KIF25: variants seen among roughly 807,000 people sequenced by gnomAD.
KIF25 encodes kinesin-like protein KIF25.
KIF25 carries 19 observed loss-of-function variants against 32.9 expected under a neutral mutation model. The ratio of observed to expected loss-of-function variants is 0.58; its 90% CI spans 0.40 to 0.85. The LOEUF is 0.85. KIF25 is among the 40% of genes least tolerant of loss of function. The pLI, the probability that KIF25 is intolerant of heterozygous loss-of-function variation, is 0.00. For missense variants in KIF25, 485 were observed against 507.0 expected (o/e 0.96, Z 0.42); for synonymous variants, 225 against 213.7 (o/e 1.05, Z -0.46).
Position 168,002,592 on chromosome 6 carries a change from G to A in KIF25, c.-320G>A, listed in dbSNP as rs985707146. 7.2e-5 allele frequency: 11 copies of A among 152,202 alleles called. No homozygotes were observed. Among genetic ancestry groups the A allele is most frequent in the African/African-American group, 2.7e-4 (11 of 41,436 alleles). 9.4% of individuals were successfully genotyped at this position (152,202 alleles called of 1,614,324 possible). A position where few individuals can be genotyped will look rare whatever the true frequency, so the allele number is the denominator to read the frequency against. ...GATTTCCTGAAGGGGAGAACCTGAT[G>A]AGCTTGTCTTCTAGATCAGTGGTCC... On this transcript the variant is annotated 5_prime_UTR_variant, in exon 3 of 13. An upstream start codon of the reference 5' UTR is lost. Transcript: ENST00000643607.
chr6:168,045,053 A>G lies in KIF25; in HGVS notation c.*57A>G, dbSNP rs544155898. 6 of 1,487,870 alleles carry G rather than the reference A, an allele frequency of 4.0e-6. No individual in the cohort carries two copies. The Admixed American group carries it at 6.4e-5, about 16-fold the overall frequency. The allele number at this position is 1,487,870 out of a possible 1,614,324, so 92.2% of individuals were successfully genotyped here. On this transcript the variant is annotated 3_prime_UTR_variant, in exon 13 of 13. Coordinates refer to ENST00000643607, the MANE Select transcript of KIF25 (RefSeq NM_030615.4). ...GTTTCTTGTCCTTGCTTTATAATGC[A>G]TATGTGCTTAGAAATAAACAGGTTT...
chr6:168,042,774 C>A, intron 12 of KIF25, 58 bp downstream of exon 12: 1 of 1,555,532 alleles, frequency 6.4e-7, no homozygotes, highest in African/African-American at 1.3e-5. Flanking sequence ...AGGACATGTG[C>A]ACACACTTCT....
At chr6:168,039,036 A>T (rs983239023) in intron 9 of KIF25, among the ~76,000 whole-genome samples, 3 of 137,892 alleles carry the variant, frequency 2.2e-5, no homozygotes, top group Non-Finnish European at 4.5e-5. Context: ...ATGTATTCGC[A>T]TATCAAAATA....
At chr6:168,010,050 A>G (rs1040033488) in intron 4 of KIF25, among the ~76,000 whole-genome samples, 1 of 151,354 alleles carries the variant, frequency 6.6e-6, no homozygotes, top group African/African-American at 2.4e-5. Flanking sequence ...TTCTTGTGTC[A>G]ATTTCTTTTA....
chr6:168,014,149 G>C (rs1798684504), intron 4 of KIF25, among the ~76,000 whole-genome samples: 1 of 152,140 alleles, frequency 6.6e-6, no homozygotes, highest in Non-Finnish European at 1.5e-5. Flanking sequence ...TGTTATAAGT[G>C]AACACACAGA....
At chr6:168,043,922 C>T (rs549945249) in intron 12 of KIF25, among the ~76,000 whole-genome samples, 14 of 152,346 alleles carry the variant, frequency 9.2e-5, no homozygotes, top group East Asian at 5.8e-4. Flanking sequence ...CCTGGGCACA[C>T]GGCCCCTGCC....
At chr6:168,027,052 G>A (rs1798870008) in intron 5 of KIF25, among the ~76,000 whole-genome samples, 1 of 152,192 alleles carries the variant, frequency 6.6e-6, no homozygotes, top group East Asian at 1.9e-4. Context: ...AGGCTGCGCT[G>A]AGCTCAGAAG....
chr6:168,043,751 G>A (rs562725565), intron 12 of KIF25, among the ~76,000 whole-genome samples: 1 of 152,220 alleles, frequency 6.6e-6, no homozygotes, highest in South Asian at 2.1e-4. Context: ...GAGCCAGCAG[G>A]TCCCTCATGG....
At chr6:168,011,156 A>T (rs1445516894) in intron 4 of KIF25, among the ~76,000 whole-genome samples, 1 of 151,860 alleles carries the variant, frequency 6.6e-6, no homozygotes, top group Non-Finnish European at 1.5e-5. Flanking sequence ...CATTTTATTG[A>T]CTGCTTTTTG....
intron 5 of KIF25, among the ~76,000 whole-genome samples, chr6:168,020,656 G>A (rs1198297337): frequency 6.6e-6 from 1 of 152,028 alleles, no homozygotes; most frequent in Non-Finnish European, 1.5e-5. Context: ...CCGATTGCAG[G>A]CAGCCTCTAA....
intron 5 of KIF25, among the ~76,000 whole-genome samples, chr6:168,022,446 G>C (rs572848788): frequency 6.6e-6 from 1 of 152,026 alleles, no homozygotes; most frequent in Non-Finnish European, 1.5e-5. Context: ...ATTTTTTAGT[G>C]ACAGACTCTC....
chr6:168,024,333 T>G (rs1798828512), intron 5 of KIF25, among the ~76,000 whole-genome samples: 1 of 151,644 alleles, frequency 6.6e-6, no homozygotes, highest in Non-Finnish European at 1.5e-5. Context: ...TTTACAATCC[T>G]TCACTGGGCT....
intron 2 of KIF25, among the ~76,000 whole-genome samples, chr6:168,002,166 GT>G (rs1798515926): frequency 9.6e-6 from 1 of 104,396 alleles, no homozygotes; most frequent in Non-Finnish European, 2.0e-5. Context: ...CCTCGGGCAG[GT>G]GAGAAGACAC....
At chr6:168,011,625 T>C (rs9355153) in intron 4 of KIF25, among the ~76,000 whole-genome samples, 51,413 of 152,090 alleles carry the variant, frequency 0.34, 9,035 homozygotes, top group South Asian at 0.42. Context: ...TTAAAATTAT[T>C]TGTCTTTGAC....
chr6:168,042,464 T>C, intron 11 of KIF25, 97 bp from the exon 12 acceptor site: 1 of 1,470,574 alleles, frequency 6.8e-7, no homozygotes, highest in East Asian at 2.3e-5. Context: ...GCCTCCCCTC[T>C]ACCTGCCTGA....
intron 4 of KIF25, among the ~76,000 whole-genome samples, chr6:168,011,222 T>C (rs1798643383): frequency 6.6e-6 from 1 of 152,288 alleles, no homozygotes; most frequent in South Asian, 2.1e-4. Flanking sequence ...ATTTTTTGCA[T>C]TTAGGTGGTT....
intron 4 of KIF25, among the ~76,000 whole-genome samples, chr6:168,004,296 T>C (rs2516808): frequency 0.58 from 87,986 of 152,048 alleles, 25,738 homozygotes; most frequent in East Asian, 0.79. Flanking sequence ...TCCCAGCACA[T>C]GGAGCCCACG....
At chr6:168,020,594 C>T (rs1169606829) in intron 5 of KIF25, among the ~76,000 whole-genome samples, 1 of 151,992 alleles carries the variant, frequency 6.6e-6, no homozygotes, top group Non-Finnish European at 1.5e-5. Context: ...TGGGAGTGGG[C>T]GTGCAAGTGT....
At chr6:168,021,203 A>G (rs570516289) in intron 5 of KIF25, among the ~76,000 whole-genome samples, 1 of 152,354 alleles carries the variant, frequency 6.6e-6, no homozygotes, top group South Asian at 2.1e-4. Context: ...TACTCTTTTA[A>G]TGGTGGGGGC....
Sources: gnomAD v4.1 joint callset for allele counts (sites outside exome capture counted in the v4.1 genomes callset) on GRCh38, gnomAD v4.1.1 for gene constraint, MANE v1.5 for transcripts, NCBI Gene and HGNC (gene_info 2026-07-23, HGNC 2026-07-21) for gene names.